TRAK1: variants seen among roughly 807,000 people sequenced by gnomAD.
The protein encoded by TRAK1 is trafficking kinesin protein 1.
TRAK1 carries 33 observed loss-of-function variants against 92.1 expected under a neutral mutation model. That is an observed-to-expected ratio of 0.36 (90% CI 0.27 to 0.48). The LOEUF is 0.48. Among genes scored for constraint, TRAK1 ranks in the 20% least tolerant of loss-of-function variants. The pLI, the probability that TRAK1 is intolerant of heterozygous loss-of-function variation, is 0.99. For missense variants in TRAK1, 1,123 were observed against 1,257.9 expected, an observed-to-expected ratio of 0.89 and a Z score of 1.62; for synonymous variants, 521 against 517.3, an observed-to-expected ratio of 1.01 and a Z score of -0.10.
chr3:42,103,101 C>T (rs1027359498), intron 1 of TRAK1, among the ~76,000 whole-genome samples: 2 of 152,156 alleles, frequency 1.3e-5, no homozygotes. Context: ...TTCATTCACC[C>T]CCCGAAAAGC....
upstream of TRAK1, among the ~76,000 whole-genome samples, chr3:42,083,811 G>A (rs528500923): frequency 3.3e-5 from 5 of 152,090 alleles, no homozygotes; most frequent in South Asian, 2.1e-4. Context: ...TCAAGGCTGC[G>A]GTGAGCTGTG....
intron 1 of TRAK1, among the ~76,000 whole-genome samples, chr3:42,056,427 G>A (rs1004096588): frequency 6.6e-6 from 1 of 152,124 alleles, no homozygotes; most frequent in Non-Finnish European, 1.5e-5. Context: ...GCATTTTCCT[G>A]ATGGTTAATG....
rs1302320259 is a variant in TRAK1 at position 42,029,286 on chromosome 3, T to C, written c.-519+15169T>C. Among the ~76,000 whole-genome samples, 6 of 152,218 alleles carry C rather than the reference T, an allele frequency of 3.9e-5. No homozygotes were observed. The South Asian group carries it at 6.2e-4, about 16-fold the overall frequency. The stretch of plus-strand genomic sequence containing the variant: ...CAGTGTCTTGCTCTGTCACCCAGGC[T>C]GGCATGCAGCGGTGCAGTCTCAGCT... On this transcript the variant is annotated intron_variant, in intron 1 of 16. Transcript: ENST00000487159.
intron 1 of TRAK1, among the ~76,000 whole-genome samples, chr3:42,046,405 G>A (rs375607731): frequency 6.6e-6 from 1 of 151,966 alleles, no homozygotes; most frequent in Non-Finnish European, 1.5e-5. Context: ...CCCTTAGGAG[G>A]CCATAACCTG....
At chr3:42,036,291 C>G (rs111588830) in intron 1 of TRAK1, among the ~76,000 whole-genome samples, 3 of 152,334 alleles carry the variant, frequency 2.0e-5, no homozygotes, top group African/African-American at 7.2e-5. Context: ...CTGCTATATT[C>G]TCAGCACTAG....
chr3:42,199,345 A>G (rs1707198521), intron 11 of TRAK1, 92 bp downstream of exon 11: 1 of 1,251,342 alleles, frequency 8.0e-7, no homozygotes, highest in Non-Finnish European at 1.1e-6. Context: ...GGCTCTGGGT[A>G]CCGACAGTGA....
chr3:42,223,486 G>A lies in TRAK1; in HGVS notation c.2611G>A (p.Gly871Arg). The A allele has an allele frequency of 6.2e-6, 10 of 1,613,756 alleles. No individual in the cohort carries two copies. Among genetic ancestry groups the A allele is most frequent in the South Asian group, 1.1e-5 (1 of 91,080 alleles). ...AHVPTLTEEQGPLLCGPPGPA... is the reference protein window; with the variant it reads ...AHVPTLTEEQRPLLCGPPGPA... ...TGTCCCCACCTTGACTGAGGAGCAGGGACCCCTCCTCTGTGGGCCCCCGGG... is the reference window on the plus strand; with the variant it reads ...TGTCCCCACCTTGACTGAGGAGCAGAGACCCCTCCTCTGTGGGCCCCCGGG... Residue 871 changes from glycine (G) to arginine (R), a missense_variant, in exon 16 of 16, where the codon GGA (glycine) becomes AGA (arginine). Physicochemically the swap from Gly to Arg is moderately radical, Grantham distance 125 (BLOSUM62 -2). This residue lies in a region of TRAK1 where 401 missense variants were observed against 438.9 expected (regional missense o/e 0.91). Coordinates refer to ENST00000327628, the MANE Select transcript of TRAK1 (RefSeq NM_001042646.3). This position sits in a 1 kb window ranked among gnomAD's most constrained non-coding sequence, Gnocchi z 6.1.
In TRAK1 at chr3:42,217,961, T is replaced by C. The variant is rs935647608; in HGVS notation, c.1964-1533T>C. ...AGGCTATTTTTATGTGTTTTTTTTTTCCTTCCCTCCTGCTTTGCCTGGAGC... is the reference window on the plus strand; with the variant it reads ...AGGCTATTTTTATGTGTTTTTTTTTCCCTTCCCTCCTGCTTTGCCTGGAGC... On this transcript the variant is annotated intron_variant, in intron 14 of 15. Coordinates refer to ENST00000327628, the MANE Select transcript of TRAK1 (RefSeq NM_001042646.3). 6 of 985,228 alleles carry C rather than the reference T, an allele frequency of 6.1e-6. No homozygotes were observed. In the African/African-American group the frequency reaches 8.7e-5, roughly 14 times the overall value. The allele number at this position is 985,228 out of a possible 1,614,324, so 61.0% of individuals were successfully genotyped here.
intron 6 of TRAK1, among the ~76,000 whole-genome samples, chr3:42,191,006 C>T (rs1349609898): frequency 3.3e-5 from 5 of 152,160 alleles, no homozygotes; most frequent in Non-Finnish European, 7.3e-5. Context: ...GTCCAGAGTC[C>T]TGGGGTGGCT....
rs908361719 is a variant in TRAK1 at position 42,079,219 on chromosome 3, G to A, written c.-518-7885G>A. ...AGTAATAGAACACTGACATAATCCC[G>A]GAGAACAATTAGTCCCTTTTTGAAA... On this transcript the variant is annotated intron_variant, in intron 1 of 16. Transcript: ENST00000487159. 1.2e-4 allele frequency among the ~76,000 whole-genome samples: 18 copies of A among 152,284 alleles called. No homozygotes were observed. The East Asian group carries it at 1.7e-3, about 15-fold the overall frequency.
chr3:42,218,647 C>G (rs1332595333), intron 14 of TRAK1: 1 of 985,228 alleles, frequency 1.0e-6, no homozygotes, highest in African/African-American at 1.7e-5. Flanking sequence ...CCTAACACTT[C>G]CATGATTTAA....
chr3:42,091,561 G>C lies in TRAK1; in HGVS notation c.91+1G>C. The C allele has an allele frequency of 6.2e-7, 1 of 1,611,292 alleles. No homozygotes were observed. Among genetic ancestry groups the C allele is most frequent in the Non-Finnish European group, 8.5e-7 (1 of 1,179,194 alleles). On this transcript the variant is annotated splice_donor_variant, in intron 1 of 15. Transcript: ENST00000327628. LOFTEE classifies it high-confidence loss of function. ...AAGCTCATTCGGACAAACGCCTGTG[G>C]TAAGTTTGTTTGCCAGGTCTGTCTG... is the stretch of plus-strand genomic sequence containing the variant.
intron 2 of TRAK1, chr3:42,149,374 G>A: frequency 5.6e-6 from 8 of 1,440,806 alleles, no homozygotes; most frequent in Non-Finnish European, 7.3e-6. Context: ...CCACTTTACT[G>A]TTTTGGCTCC....
chr3:42,141,639 C>T (rs1309942861), intron 2 of TRAK1, among the ~76,000 whole-genome samples: 2 of 152,166 alleles, frequency 1.3e-5, no homozygotes, highest in African/African-American at 4.8e-5. Flanking sequence ...AATCTGTTCC[C>T]TGCCCCTCTT....
intron 13 of TRAK1, chr3:42,204,071 G>C: frequency 2.0e-6 from 2 of 985,532 alleles, no homozygotes; most frequent in Non-Finnish European, 2.4e-6. Flanking sequence ...CTTTCTTAGA[G>C]TTCAGAAAAG....
At chr3:42,213,128 G>A (rs547264503) in intron 14 of TRAK1, among the ~76,000 whole-genome samples, 3 of 144,148 alleles carry the variant, frequency 2.1e-5, no homozygotes, top group East Asian at 2.0e-4. Context: ...GTGCAATCTC[G>A]GCTCACTGCA....
intron 1 of TRAK1, among the ~76,000 whole-genome samples, chr3:42,100,015 G>GT (rs1174425051): frequency 2.6e-5 from 4 of 152,122 alleles, no homozygotes; most frequent in African/African-American, 4.8e-5. Flanking sequence ...CAGGAGACAG[G>GT]TTTTTGCAAC....
At chr3:42,197,292 C>G (rs1349835346) in intron 10 of TRAK1, among the ~76,000 whole-genome samples, 1 of 152,110 alleles carries the variant, frequency 6.6e-6, no homozygotes, top group Non-Finnish European at 1.5e-5. Context: ...GCCTAAGTCT[C>G]TGATATAAAA....
chr3:42,109,988 T>A (rs976204894), intron 1 of TRAK1, among the ~76,000 whole-genome samples: 4 of 150,362 alleles, frequency 2.7e-5, no homozygotes, highest in South Asian at 2.1e-4. Context: ...CATTAGGAGA[T>A]ATACCTAATA....
Sources: allele counts gnomAD v4.1 joint callset (sites outside exome capture counted in the v4.1 genomes callset), GRCh38; gene constraint gnomAD v4.1.1; regional missense constraint gnomAD v4.1.1; non-coding constraint Gnocchi (gnomAD v3.1); transcripts MANE v1.5; gene names NCBI Gene and HGNC (gene_info 2026-07-23, HGNC 2026-07-21).